FHIT: variants seen among roughly 807,000 people sequenced by gnomAD.
The protein encoded by FHIT is fragile histidine triad diadenosine triphosphatase.
FHIT carries 19 observed loss-of-function variants against 17.9 expected under a neutral mutation model. The observed-to-expected ratio is 1.06, with a 90% CI of 0.74 to 1.56. The LOEUF (loss-of-function observed/expected upper bound fraction) is 1.56, where lower values mean the gene tolerates loss of function less well. Ranked by LOEUF, FHIT falls within the 40% of genes most tolerant of loss-of-function variation. The pLI is 0.00. For synonymous variants in FHIT, 81 were observed against 69.7 expected (o/e 1.16, Z -0.81); for missense variants, 248 against 189.2 (o/e 1.31, Z -1.82).
intron 7 of FHIT, among the ~76,000 whole-genome samples, chr3:59,924,619 AAAC>A (rs1164579401): frequency 4.6e-5 from 7 of 152,268 alleles, no homozygotes; most frequent in African/African-American, 1.7e-4. Context: ...TTATTTAAAA[AAAC>A]AAATTTAAAC....
At chr3:61,168,319 C>A (rs1387255637) in intron 2 of FHIT, among the ~76,000 whole-genome samples, 1 of 152,164 alleles carries the variant, frequency 6.6e-6, no homozygotes, top group African/African-American at 2.4e-5. Flanking sequence ...AGTTTGCTAA[C>A]CCCTGAGGTA....
intron 5 of FHIT, among the ~76,000 whole-genome samples, chr3:60,147,063 G>T (rs972458911): frequency 6.6e-6 from 1 of 152,110 alleles, no homozygotes; most frequent in Non-Finnish European, 1.5e-5. Context: ...TAAAGGAGCG[G>T]AACTGGTAAT....
intron 5 of FHIT, among the ~76,000 whole-genome samples, chr3:60,032,646 A>G (rs1447156938): frequency 1.3e-5 from 2 of 152,160 alleles, no homozygotes; most frequent in Non-Finnish European, 2.9e-5. Context: ...GGATTCTAAG[A>G]GCAGGACATC....
At chr3:60,318,996 C>T (rs10154941) in intron 5 of FHIT, among the ~76,000 whole-genome samples, 5 of 152,088 alleles carry the variant, frequency 3.3e-5, no homozygotes, top group Non-Finnish European at 7.4e-5. Context: ...TGTCACATGG[C>T]CTGCTCTCTG....
chr3:60,356,344 A>G (rs1226065047), intron 5 of FHIT, among the ~76,000 whole-genome samples: 1 of 152,192 alleles, frequency 6.6e-6, no homozygotes, highest in South Asian at 2.1e-4. Context: ...GCTCCTGAGC[A>G]CAACAAAACC....
At chr3:60,735,436 A>C (rs1221644612) in intron 4 of FHIT, among the ~76,000 whole-genome samples, 2 of 152,222 alleles carry the variant, frequency 1.3e-5, no homozygotes, top group African/African-American at 4.8e-5. Flanking sequence ...TGATTCAGGG[A>C]GCCAATCATT....
intron 5 of FHIT, among the ~76,000 whole-genome samples, chr3:60,056,789 G>T (rs182897701): frequency 1.3e-5 from 2 of 152,356 alleles, no homozygotes; most frequent in East Asian, 3.9e-4. Context: ...CAGTTTGAAA[G>T]AGGGGCCAAT....
chr3:60,856,882 T>G (rs1488656886), intron 3 of FHIT, among the ~76,000 whole-genome samples: 2 of 152,134 alleles, frequency 1.3e-5, no homozygotes, highest in African/African-American at 4.8e-5. Context: ...ACTGGTCTAA[T>G]GCCTACTCAT....
chr3:60,249,354 G>C (rs1315384249), intron 5 of FHIT, among the ~76,000 whole-genome samples: 1 of 152,106 alleles, frequency 6.6e-6, no homozygotes, highest in African/African-American at 2.4e-5. Flanking sequence ...ACTTTTCTCG[G>C]AAACAGCGTC....
At chr3:60,855,287 T>G (rs1703335023) in intron 3 of FHIT, among the ~76,000 whole-genome samples, 1 of 152,136 alleles carries the variant, frequency 6.6e-6, no homozygotes, top group African/African-American at 2.4e-5. Context: ...GCATGTGACC[T>G]AGATCTAACC....
At chr3:59,976,910 T>A (rs1482645382) in intron 7 of FHIT, among the ~76,000 whole-genome samples, 1 of 152,072 alleles carries the variant, frequency 6.6e-6, no homozygotes, top group Non-Finnish European at 1.5e-5. Flanking sequence ...CAAGGTTATT[T>A]TGGAACTAGG....
intron 5 of FHIT, among the ~76,000 whole-genome samples, chr3:60,524,378 G>T (rs1420681647): frequency 2.6e-5 from 4 of 152,198 alleles, no homozygotes; most frequent in African/African-American, 9.7e-5. Context: ...GTCTGAAGGA[G>T]TTGAGTGAAC....
chr3:61,210,268 G>A (rs974780496), intron 1 of FHIT, among the ~76,000 whole-genome samples: 1 of 152,202 alleles, frequency 6.6e-6, no homozygotes, highest in Admixed American at 6.5e-5. Flanking sequence ...CCCACTTGAG[G>A]AGGCAGTCTG....
chr3:60,661,663 C>G (rs1281522418), intron 4 of FHIT, among the ~76,000 whole-genome samples: 1 of 152,160 alleles, frequency 6.6e-6, no homozygotes, highest in Non-Finnish European at 1.5e-5. Flanking sequence ...AATTTACATT[C>G]CCACCAGCAG....
chr3:60,605,269 A>T (rs950023203), intron 4 of FHIT, among the ~76,000 whole-genome samples: 19 of 152,294 alleles, frequency 1.2e-4, no homozygotes, highest in African/African-American at 4.6e-4. Context: ...AATCACTGCA[A>T]TAAAAGTGAT....
At chr3:59,989,783 T>A (rs1234604714) in intron 7 of FHIT, among the ~76,000 whole-genome samples, 4 of 152,020 alleles carry the variant, frequency 2.6e-5, no homozygotes, top group Admixed American at 6.6e-5. Flanking sequence ...TGATTGATTG[T>A]AAACAAATTG....
intron 8 of FHIT, among the ~76,000 whole-genome samples, chr3:59,885,951 G>A (rs953447436): frequency 2.0e-5 from 3 of 152,188 alleles, no homozygotes; most frequent in African/African-American, 7.2e-5. Flanking sequence ...CCTAAGAGAA[G>A]CTAATGCCAG....
intron 4 of FHIT, among the ~76,000 whole-genome samples, chr3:60,726,546 G>A (rs1190504452): frequency 2.6e-5 from 4 of 152,144 alleles, no homozygotes; most frequent in Non-Finnish European, 5.9e-5. Context: ...AAATGTAGAC[G>A]AGATAAGCAG....
At chr3:60,329,488 T>A (rs1709858850) in intron 5 of FHIT, among the ~76,000 whole-genome samples, 2 of 152,218 alleles carry the variant, frequency 1.3e-5, no homozygotes, top group African/African-American at 4.8e-5. Flanking sequence ...CAGTGCTGTA[T>A]CTTAACCTGT....
Sources: allele counts gnomAD v4.1 joint callset (sites outside exome capture counted in the v4.1 genomes callset), GRCh38; gene constraint gnomAD v4.1.1; transcripts MANE v1.5; gene names NCBI Gene and HGNC (gene_info 2026-07-23, HGNC 2026-07-21).